The following NELL2 variants were observed in gnomAD, a reference collection of about 807,000 sequenced individuals.
NELL2 encodes neural EGFL like 2, also known as protein kinase C-binding protein NELL2.
NELL2 carries 41 observed loss-of-function variants against 109.6 expected under a neutral mutation model. That is an observed-to-expected ratio of 0.37 (90% CI 0.29 to 0.49). The LOEUF (loss-of-function observed/expected upper bound fraction) is 0.49. Ranked by LOEUF, NELL2 falls within the 20% of genes least tolerant of loss-of-function variation. NELL2 has a pLI of 0.98. For missense variants in NELL2, 900 were observed against 1,008.3 expected (o/e 0.89, Z 1.45); for synonymous variants, 355 against 344.7 (o/e 1.03, Z -0.33).
chr12:44,881,288 T>C (rs1248292077), upstream of NELL2, among the ~76,000 whole-genome samples: 1 of 151,888 alleles, frequency 6.6e-6, no homozygotes, highest in Admixed American at 6.6e-5. Context: ...AATCAACAGA[T>C]ACCAATGCCA....
intron 15 of NELL2, among the ~76,000 whole-genome samples, chr12:44,599,602 G>C (rs1945119193): frequency 6.6e-6 from 1 of 151,866 alleles, no homozygotes; most frequent in Admixed American, 6.6e-5. Flanking sequence ...GAAAAGACAA[G>C]GGCCAACATA....
chr12:44,532,557 T>C (rs1942122060), intron 16 of NELL2, 24 bp downstream of exon 16: 1 of 1,601,138 alleles, frequency 6.2e-7, no homozygotes, highest in South Asian at 1.1e-5. Flanking sequence ...GTTCTTAAAT[T>C]CTAGGTCTTC....
chr12:44,913,308 C>A (rs1209033017), intron 1 of NELL2, among the ~76,000 whole-genome samples: 3 of 152,116 alleles, frequency 2.0e-5, no homozygotes, highest in Non-Finnish European at 4.4e-5. Context: ...ATTATTTTCT[C>A]CATACAGCTG....
At chr12:44,553,777 C>A (rs188297399) in intron 15 of NELL2, among the ~76,000 whole-genome samples, 86 of 152,098 alleles carry the variant, frequency 5.7e-4, no homozygotes, top group African/African-American at 1.8e-3. Flanking sequence ...TAAAGTAATA[C>A]CACGGAGGAC....
intron 13 of NELL2, among the ~76,000 whole-genome samples, chr12:44,630,827 T>A (rs1309886899): frequency 6.6e-6 from 1 of 152,136 alleles, no homozygotes; most frequent in Non-Finnish European, 1.5e-5. Context: ...TTGAGTGCTG[T>A]TAGATGGAAT....
chr12:44,638,512 C>T (rs1031850020), intron 13 of NELL2, among the ~76,000 whole-genome samples: 27 of 152,262 alleles, frequency 1.8e-4, no homozygotes, highest in African/African-American at 6.5e-4. Context: ...GGAAAATACA[C>T]ATGCAATTTC....
upstream of NELL2, among the ~76,000 whole-genome samples, chr12:44,880,158 A>AG (rs1945395979): frequency 6.7e-6 from 1 of 149,034 alleles, no homozygotes; most frequent in Non-Finnish European, 1.5e-5. Context: ...GAGAGAGAGA[A>AG]AAACAGAGAA....
intron 1 of NELL2, among the ~76,000 whole-genome samples, chr12:44,905,576 G>A (rs1413146911): frequency 6.6e-6 from 1 of 152,020 alleles, no homozygotes; most frequent in Non-Finnish European, 1.5e-5. Flanking sequence ...AAAAACTGAT[G>A]AATATAAATT....
At chr12:44,601,245 A>G (rs1470345897) in intron 15 of NELL2, among the ~76,000 whole-genome samples, 1 of 152,056 alleles carries the variant, frequency 6.6e-6, no homozygotes, top group Non-Finnish European at 1.5e-5. Context: ...AAATTTCCCC[A>G]TCATAGTTGT....
At chr12:44,916,810 T>C (rs1299160793), upstream of NELL2, among the ~76,000 whole-genome samples, 2 of 152,200 alleles carry the variant, frequency 1.3e-5, no homozygotes, top group African/African-American at 4.8e-5. Context: ...CTAAAGGTCC[T>C]CTAGTCTAAT....
intron 2 of NELL2, among the ~76,000 whole-genome samples, chr12:44,858,730 T>G (rs1181526012): frequency 6.6e-6 from 1 of 152,202 alleles, no homozygotes; most frequent in African/African-American, 2.4e-5. Flanking sequence ...AATTAGAAAC[T>G]GAAATCTAGC....
At chr12:44,553,306 T>A (rs1284803307) in intron 15 of NELL2, among the ~76,000 whole-genome samples, 1 of 150,572 alleles carries the variant, frequency 6.6e-6, no homozygotes, top group Admixed American at 6.6e-5. Flanking sequence ...AAAATAAGTC[T>A]CTTCACCTCT....
intron 9 of NELL2, among the ~76,000 whole-genome samples, chr12:44,736,553 T>G (rs1425555123): frequency 6.6e-6 from 1 of 151,368 alleles, no homozygotes; most frequent in Non-Finnish European, 1.5e-5. Flanking sequence ...AACATCAGAA[T>G]TGTACATATG....
intron 19 of NELL2, among the ~76,000 whole-genome samples, chr12:44,517,368 ACTTTCTCTCT>A (rs1941317332): frequency 9.5e-6 from 1 of 105,312 alleles, no homozygotes; most frequent in African/African-American, 3.7e-5. Flanking sequence ...CCCACCAACT[ACTTTCTCTCT>A]CTCTCTCTCT....
chr12:44,869,725 G>C (rs1007603693), intron 2 of NELL2, among the ~76,000 whole-genome samples: 1 of 152,062 alleles, frequency 6.6e-6, no homozygotes, highest in Non-Finnish European at 1.5e-5. Flanking sequence ...TGAATACTCT[G>C]ACCTTTTGAT....
At chr12:44,681,570 C>T (rs1837777022) in intron 12 of NELL2, among the ~76,000 whole-genome samples, 3 of 152,022 alleles carry the variant, frequency 2.0e-5, no homozygotes, top group South Asian at 2.1e-4. Context: ...CTCCCCTCTC[C>T]GCCCACCCCA....
chr12:44,686,368 C>T (rs1350435055), intron 12 of NELL2, among the ~76,000 whole-genome samples: 1 of 152,100 alleles, frequency 6.6e-6, no homozygotes, highest in African/African-American at 2.4e-5. Context: ...GAATGTCCTC[C>T]CGTAGCTCGG....
At chr12:44,566,083 T>C (rs1943646865) in intron 15 of NELL2, among the ~76,000 whole-genome samples, 1 of 152,096 alleles carries the variant, frequency 6.6e-6, no homozygotes. Flanking sequence ...TGAGGGATGA[T>C]AAGAATGGTT....
intron 9 of NELL2, among the ~76,000 whole-genome samples, chr12:44,736,849 C>T (rs1423823841): frequency 6.6e-6 from 1 of 152,038 alleles, no homozygotes; most frequent in African/African-American, 2.4e-5. Context: ...TCGTGTAATA[C>T]TGCCTTCAAA....
Sources: gnomAD v4.1 joint callset for allele counts (sites outside exome capture counted in the v4.1 genomes callset) on GRCh38, gnomAD v4.1.1 for gene constraint, MANE v1.5 for transcripts, NCBI Gene and HGNC (gene_info 2026-07-23, HGNC 2026-07-21) for gene names.